NRG1: variants seen among roughly 807,000 people sequenced by gnomAD.
NRG1 encodes the protein pro-neuregulin-1, membrane-bound isoform.
Under a neutral mutation model 63.8 loss-of-function variants are expected in NRG1, and 18 were observed. The observed-to-expected ratio is 0.28, with a 90% CI of 0.19 to 0.42. The LOEUF is 0.42. Among genes scored for constraint, NRG1 ranks in the 10% least tolerant of loss-of-function variants. NRG1 has a pLI of 1.00. For missense variants in NRG1, 762 were observed against 814.7 expected, an observed-to-expected ratio of 0.94 and a Z score of 0.79; for synonymous variants, 302 against 301.3, an observed-to-expected ratio of 1.00 and a Z score of -0.02.
At chr8:31,827,891 C>T (rs950288171) in intron 1 of NRG1, among the ~76,000 whole-genome samples, 2 of 152,142 alleles carry the variant, frequency 1.3e-5, no homozygotes, top group Admixed American at 6.5e-5. Flanking sequence ...AAGATCTGGC[C>T]TTATATTCAT....
At chr8:32,147,135 C>T (rs1159612798) in intron 1 of NRG1, among the ~76,000 whole-genome samples, 1 of 152,098 alleles carries the variant, frequency 6.6e-6, no homozygotes, top group East Asian at 1.9e-4. Context: ...GATAAATGGG[C>T]ACTCTCTTGT....
intron 1 of NRG1, among the ~76,000 whole-genome samples, chr8:32,312,032 G>A (rs1460250220): frequency 1.3e-5 from 2 of 152,080 alleles, no homozygotes; most frequent in East Asian, 1.9e-4. Context: ...ACTGTCCCAC[G>A]GCAAGACCAC....
intron 1 of NRG1, among the ~76,000 whole-genome samples, chr8:31,748,297 A>G (rs1285964123): frequency 6.6e-6 from 1 of 151,984 alleles, no homozygotes; most frequent in African/African-American, 2.4e-5. Context: ...ACCTTCTGCC[A>G]TTAACTCATT....
intron 1 of NRG1, among the ~76,000 whole-genome samples, chr8:32,178,328 G>T (rs557794863): frequency 6.6e-6 from 1 of 152,232 alleles, no homozygotes; most frequent in African/African-American, 2.4e-5. Flanking sequence ...AGACCACCCT[G>T]GTCAGGCTCG....
chr8:31,742,780 G>T (rs1004210714), intron 1 of NRG1, among the ~76,000 whole-genome samples: 1 of 151,832 alleles, frequency 6.6e-6, no homozygotes. Flanking sequence ...TTCAACATGT[G>T]GCTTCTAAGG....
intron 1 of NRG1, among the ~76,000 whole-genome samples, chr8:32,255,148 T>A (rs1849549447): frequency 6.6e-6 from 1 of 152,232 alleles, no homozygotes; most frequent in South Asian, 2.1e-4. Flanking sequence ...CTTTCTCCAA[T>A]CTGCCAGTCT....
chr8:32,411,349 A>T (rs1814917920), intron 1 of NRG1, among the ~76,000 whole-genome samples: 1 of 152,214 alleles, frequency 6.6e-6, no homozygotes, highest in South Asian at 2.1e-4. Flanking sequence ...AATAGGAAGA[A>T]GTAGAGTAAA....
intron 5 of NRG1, among the ~76,000 whole-genome samples, chr8:32,660,775 G>A (rs1802661504): frequency 6.6e-6 from 1 of 152,180 alleles, no homozygotes; most frequent in Non-Finnish European, 1.5e-5. Flanking sequence ...GATCAAATGA[G>A]TTGGTGTTCA....
intron 1 of NRG1, among the ~76,000 whole-genome samples, chr8:32,283,116 A>G (rs1258118326): frequency 6.6e-6 from 1 of 152,166 alleles, no homozygotes; most frequent in East Asian, 1.9e-4. Flanking sequence ...TGTTATTCCA[A>G]TTTCTAGTGT....
rs57478389 is a variant in NRG1, at chr8:32,634,099, T to TAAAAAAAAAAAAAAAAAAAAAAAAA, written c.502+17233_502+17234insAAAAAAAAAAAAAAAAAAAAAAAAA. On this transcript the variant is annotated intron_variant, in intron 5 of 11. Transcript: ENST00000356819. The stretch of plus-strand genomic sequence containing the variant: ...TTTGAGGCTGAGCAAGATCTTGTCT[T>TAAAAAAAAAAAAAAAAAAAAAAAAA]AAAAAAAAAAAAAAAAAAAGGTTGC... Among the ~76,000 whole-genome samples the TAAAAAAAAAAAAAAAAAAAAAAAAA allele has an allele frequency of 2.1e-4, 18 of 86,746 alleles. 3 individuals are homozygous for TAAAAAAAAAAAAAAAAAAAAAAAAA. The highest frequency in any genetic ancestry group is 1.8e-3 in the East Asian group (3 of 1,652). 56.9% of individuals were successfully genotyped at this position (86,746 alleles called of 152,430 possible).
chr8:32,254,376 G>A (rs777929119), intron 1 of NRG1, among the ~76,000 whole-genome samples: 1 of 152,196 alleles, frequency 6.6e-6, no homozygotes, highest in Non-Finnish European at 1.5e-5. Flanking sequence ...CTGGTACGCT[G>A]TGTCTTTGTT....
At chr8:31,879,009 AAAAC>A (rs1390177445) in intron 1 of NRG1, among the ~76,000 whole-genome samples, 12 of 152,118 alleles carry the variant, frequency 7.9e-5, no homozygotes, top group Admixed American at 5.2e-4. Context: ...CAAGAAAAAA[AAAAC>A]AAACAAACAA....
intron 1 of NRG1, among the ~76,000 whole-genome samples, chr8:31,987,092 G>A (rs1483456060): frequency 2.0e-5 from 3 of 152,034 alleles, no homozygotes; most frequent in Admixed American, 6.6e-5. Flanking sequence ...GAGGTCAAGA[G>A]ATTGAGACCA....
At chr8:31,846,527 C>T (rs1477084860) in intron 1 of NRG1, among the ~76,000 whole-genome samples, 1 of 152,182 alleles carries the variant, frequency 6.6e-6, no homozygotes, top group African/African-American at 2.4e-5. Flanking sequence ...GTGTGCAAAA[C>T]ATTATGCTAG....
At chr8:31,899,684 T>A (rs776380) in intron 1 of NRG1, among the ~76,000 whole-genome samples, 74,708 of 151,734 alleles carry the variant, frequency 0.49, 18,918 homozygotes, top group East Asian at 0.73. Flanking sequence ...TCAAGCTTTT[T>A]AAAAAAATTC....
At chr8:31,860,761 TC>T (rs1399806109) in intron 1 of NRG1, among the ~76,000 whole-genome samples, 4 of 152,178 alleles carry the variant, frequency 2.6e-5, no homozygotes, top group African/African-American at 9.6e-5. Context: ...TATATATTTT[TC>T]CCTCCTCCAT....
intron 1 of NRG1, among the ~76,000 whole-genome samples, chr8:32,143,249 G>A (rs902964762): frequency 2.0e-5 from 3 of 151,682 alleles, no homozygotes; most frequent in Non-Finnish European, 2.9e-5. Flanking sequence ...TTTTTGGGGG[G>A]GGAAGAAATA....
intron 1 of NRG1, among the ~76,000 whole-genome samples, chr8:32,513,351 T>G (rs973385537): frequency 2.6e-5 from 4 of 151,452 alleles, no homozygotes; most frequent in Non-Finnish European, 4.4e-5. Context: ...AGGAAATATA[T>G]CCTGTCTAAG....
At chr8:32,618,743 T>A (rs1847812390) in intron 5 of NRG1, among the ~76,000 whole-genome samples, 1 of 152,120 alleles carries the variant, frequency 6.6e-6, no homozygotes, top group Non-Finnish European at 1.5e-5. Context: ...AATAAACTAG[T>A]AACACGATAT....
Sources: allele counts gnomAD v4.1 joint callset (sites outside exome capture counted in the v4.1 genomes callset), GRCh38; gene constraint gnomAD v4.1.1; transcripts MANE v1.5; gene names NCBI Gene and HGNC (gene_info 2026-07-23, HGNC 2026-07-21).